Variants in PDE10A observed in about 807,000 individuals in gnomAD.
PDE10A encodes the protein cAMP and cAMP-inhibited cGMP 3',5'-cyclic phosphodiesterase 10A.
Under a neutral mutation model 97.7 loss-of-function variants are expected in PDE10A, and 39 were observed. The ratio of observed to expected loss-of-function variants is 0.40; its 90% CI spans 0.31 to 0.52. The LOEUF (loss-of-function observed/expected upper bound fraction) is 0.52, where lower values mean the gene tolerates loss of function less well. PDE10A is among the 20% of genes least tolerant of loss of function. PDE10A has a pLI of 0.56. For synonymous variants in PDE10A, 371 were observed against 376.8 expected, an observed-to-expected ratio of 0.98 and a Z score of 0.18; for missense variants, 731 against 1,047.8, an observed-to-expected ratio of 0.70 and a Z score of 4.17.
At position 165,336,515 on chromosome 6, in the gene PDE10A, C is replaced by T. The variant is rs185331140; in HGVS notation, c.2977-304G>A. On this transcript the variant is annotated intron_variant, in intron 20 of 21. Coordinates refer to ENST00000539869, the MANE Select transcript of PDE10A (RefSeq NM_001385079.1). ...CTGTAATCCCAGCACTTTGGGAGGCCGAGGCGGGTGGATCACGAGGTCAGG... is the reference window on the plus strand; with the variant it reads ...CTGTAATCCCAGCACTTTGGGAGGCTGAGGCGGGTGGATCACGAGGTCAGG... 1.8e-3 allele frequency among the ~76,000 whole-genome samples: 275 copies of T among 151,812 alleles called. 5 individuals are homozygous for T. The East Asian group carries it at 0.045, about 25-fold the overall frequency.
chr6:165,346,967 G>A (rs186985834), intron 18 of PDE10A, among the ~76,000 whole-genome samples: 5 of 152,246 alleles, frequency 3.3e-5, no homozygotes, highest in African/African-American at 4.8e-5. Context: ...GGGATGTACA[G>A]TGGATGTTTT....
At chr6:165,413,015 T>C (rs1346483989) in intron 13 of PDE10A, among the ~76,000 whole-genome samples, 2 of 152,158 alleles carry the variant, frequency 1.3e-5, no homozygotes, top group Non-Finnish European at 2.9e-5. Context: ...GGTACAACTT[T>C]CACGAGGACT....
intron 1 of PDE10A, among the ~76,000 whole-genome samples, chr6:165,937,733 A>G (rs773015800): frequency 2.0e-4 from 30 of 152,212 alleles, no homozygotes; most frequent in Non-Finnish European, 4.0e-4. Flanking sequence ...GTTTCACAAA[A>G]CCTGTCAAGA....
At chr6:165,542,416 A>C (rs1783492251) in intron 2 of PDE10A, among the ~76,000 whole-genome samples, 1 of 152,006 alleles carries the variant, frequency 6.6e-6, no homozygotes, top group African/African-American at 2.4e-5. Flanking sequence ...TGCTTCTTAA[A>C]CAGTCTCCAT....
rs534035611 is a variant in PDE10A, at chr6:165,941,987, G to T, written c.-615+45542C>A. On this transcript the variant is annotated intron_variant, in intron 1 of 19. Coordinates refer to the PDE10A transcript ENST00000366882. ...GCAGAAGCCACTAGGGATGCACCTG[G>T]CTTCAGTCATCGTTCCTATCCACAT... Among the ~76,000 whole-genome samples, 559 of 152,208 alleles carry T rather than the reference G, an allele frequency of 3.7e-3. 2 individuals are homozygous for T. The highest frequency in any genetic ancestry group is 6.3e-3 in the Admixed American group (97 of 15,286).
chr6:165,371,889 G>A (rs1420652020), intron 18 of PDE10A, among the ~76,000 whole-genome samples: 1 of 151,988 alleles, frequency 6.6e-6, no homozygotes, highest in Admixed American at 6.6e-5. Flanking sequence ...ATGAGCAAGT[G>A]AGCTTCATCC....
chr6:165,615,414 T>C (rs541516829), intron 1 of PDE10A, among the ~76,000 whole-genome samples: 2 of 152,220 alleles, frequency 1.3e-5, no homozygotes, highest in Admixed American at 1.3e-4. Context: ...CTGAAAAATA[T>C]TTCTAATACC....
At chr6:165,446,558 A>T (rs1237087323) in intron 5 of PDE10A, among the ~76,000 whole-genome samples, 2 of 152,236 alleles carry the variant, frequency 1.3e-5, no homozygotes, top group African/African-American at 4.8e-5. Flanking sequence ...CCTCCCAGGC[A>T]GATAAGGTAT....
At chr6:165,414,484 C>A (rs1788162349) in intron 12 of PDE10A, among the ~76,000 whole-genome samples, 1 of 152,150 alleles carries the variant, frequency 6.6e-6, no homozygotes, top group South Asian at 2.1e-4. Context: ...CATGTTGTTG[C>A]ATGTCTTAGT....
chr6:165,629,215 G>A (rs1489951599), intron 1 of PDE10A, among the ~76,000 whole-genome samples: 1 of 152,122 alleles, frequency 6.6e-6, no homozygotes, highest in African/African-American at 2.4e-5. Context: ...CGAGCTCAGA[G>A]GGATAGGACC....
chr6:165,344,417 T>C (rs927871251), intron 18 of PDE10A, among the ~76,000 whole-genome samples: 15 of 152,332 alleles, frequency 9.8e-5, no homozygotes, highest in African/African-American at 2.6e-4. Flanking sequence ...TAAAAGTGTG[T>C]AATGAGTGAG....
intron 1 of PDE10A, among the ~76,000 whole-genome samples, chr6:165,845,806 A>G (rs1245743894): frequency 6.6e-6 from 1 of 152,060 alleles, no homozygotes; most frequent in Non-Finnish European, 1.5e-5. Context: ...CAAAATATGT[A>G]CATGATTTAT....
At chr6:165,882,955 G>A (rs1781526066) in intron 1 of PDE10A, among the ~76,000 whole-genome samples, 2 of 152,184 alleles carry the variant, frequency 1.3e-5, no homozygotes, top group African/African-American at 2.4e-5. Context: ...AAGGATTTGC[G>A]CCGGGTATGG....
At chr6:165,778,126 G>A (rs1778243212) in intron 1 of PDE10A, among the ~76,000 whole-genome samples, 1 of 151,928 alleles carries the variant, frequency 6.6e-6, no homozygotes, top group South Asian at 2.1e-4. Flanking sequence ...CCAGGCTGGA[G>A]TGCAGTGGCA....
chr6:165,734,231 T>C (rs992762596), intron 1 of PDE10A, among the ~76,000 whole-genome samples: 1 of 152,176 alleles, frequency 6.6e-6, no homozygotes, highest in Non-Finnish European at 1.5e-5. Flanking sequence ...AGTATCTTCA[T>C]AGTGTGAGAA....
intron 1 of PDE10A, among the ~76,000 whole-genome samples, chr6:165,888,430 C>T (rs578102824): frequency 2.0e-5 from 3 of 152,122 alleles, no homozygotes; most frequent in South Asian, 4.2e-4. Flanking sequence ...GGACTACAAA[C>T]GTGCACCAAC....
chr6:165,953,460 G>A (rs888957857), intron 1 of PDE10A, among the ~76,000 whole-genome samples: 21 of 151,956 alleles, frequency 1.4e-4, no homozygotes, highest in African/African-American at 3.4e-4. Flanking sequence ...GTGTGGTGGC[G>A]CACACCTATA....
rs188790289 is a variant in PDE10A, at chr6:165,442,969, G to A, written c.1194+5959C>T. ...ACTAAAAATACAGAAAAAAATAGTC[G>A]AACATGGTGATATGTACCTGTAGTC... On this transcript the variant is annotated intron_variant, in intron 5 of 21. Coordinates refer to ENST00000539869, the MANE Select transcript of PDE10A (RefSeq NM_001385079.1). Among the ~76,000 whole-genome samples the A allele has an allele frequency of 2.4e-4, 36 of 151,896 alleles. No individual in the cohort carries two copies. In the East Asian group the frequency reaches 5.4e-3, roughly 23 times the overall value.
intron 1 of PDE10A, among the ~76,000 whole-genome samples, chr6:165,900,497 A>G (rs1782073956): frequency 6.6e-6 from 1 of 152,052 alleles, no homozygotes; most frequent in Non-Finnish European, 1.5e-5. Context: ...TAAAAATAAA[A>G]AAAAAAGACA....
Sources: allele counts gnomAD v4.1 joint callset (sites outside exome capture counted in the v4.1 genomes callset), GRCh38; gene constraint gnomAD v4.1.1; transcripts MANE v1.5; gene names NCBI Gene and HGNC (gene_info 2026-07-23, HGNC 2026-07-21).